The following WWOX variants were observed in gnomAD, a reference collection of about 807,000 sequenced individuals.
The protein encoded by WWOX is WW domain-containing oxidoreductase.
Under a neutral mutation model 46.2 loss-of-function variants are expected in WWOX, and 69 were observed. The ratio of observed to expected loss-of-function variants is 1.49; its 90% CI spans 1.23 to 1.82. The LOEUF is 1.82. WWOX is among the 40% of genes most tolerant of loss of function. The pLI, the probability that WWOX is intolerant of heterozygous loss-of-function variation, is 0.00. For missense variants in WWOX, 919 were observed against 542.6 expected (o/e 1.69, Z -6.89); for synonymous variants, 359 against 202.6 (o/e 1.77, Z -6.56).
intron 8 of WWOX, among the ~76,000 whole-genome samples, chr16:78,988,887 G>C (rs1483688579): frequency 1.3e-5 from 2 of 152,120 alleles, no homozygotes; most frequent in Admixed American, 6.5e-5. Flanking sequence ...AACGAGCTCT[G>C]GTGGGCAGTC....
At chr16:78,789,674 A>G (rs1406812343) in intron 8 of WWOX, among the ~76,000 whole-genome samples, 1 of 152,202 alleles carries the variant, frequency 6.6e-6, no homozygotes, top group Non-Finnish European at 1.5e-5. Context: ...ATATAATTTA[A>G]ATTTTAATCA....
At chr16:79,036,762 C>G (rs566577746) in intron 8 of WWOX, among the ~76,000 whole-genome samples, 4 of 152,312 alleles carry the variant, frequency 2.6e-5, no homozygotes, top group African/African-American at 9.6e-5. Flanking sequence ...AACAGGCATG[C>G]TGCATATCTG....
Position 78,861,722 on chromosome 16 carries a change from A to T in WWOX, c.1057-349886A>T, listed in dbSNP as rs141477770. 7.2e-5 allele frequency among the ~76,000 whole-genome samples: 11 copies of T among 152,338 alleles called. No homozygotes were observed. In the East Asian group the frequency reaches 1.5e-3, roughly 21 times the overall value. ...TCTTTCATTAGTTTGTTTGAATTCC[A>T]GGTAAAAACCTTTAACTCATTTCCT... On this transcript the variant is annotated intron_variant, in intron 8 of 8. Coordinates refer to ENST00000566780, the MANE Select transcript of WWOX (RefSeq NM_016373.4).
At chr16:79,110,831 A>C (rs545224655) in intron 8 of WWOX, 18 of 152,328 alleles carry the variant, frequency 1.2e-4, no homozygotes, top group Admixed American at 6.5e-5. Context: ...GGTGTTGGGC[A>C]AGTTAGCTGA....
intron 8 of WWOX, among the ~76,000 whole-genome samples, chr16:79,041,122 A>T (rs1597315679): frequency 1.3e-5 from 2 of 152,146 alleles, no homozygotes; most frequent in South Asian, 4.1e-4. Context: ...CATGTAATGT[A>T]ACACACCTAT....
intron 8 of WWOX, among the ~76,000 whole-genome samples, chr16:78,822,323 A>G (rs1268549999): frequency 1.3e-5 from 2 of 152,000 alleles, no homozygotes; most frequent in Non-Finnish European, 2.9e-5. Context: ...ACGAAACGCC[A>G]TCTCTACTAA....
chr16:78,180,177 T>C (rs191900914), intron 5 of WWOX, among the ~76,000 whole-genome samples: 9 of 152,332 alleles, frequency 5.9e-5, no homozygotes, highest in African/African-American at 1.9e-4. Context: ...TCCAGTTCTT[T>C]GAAAATGACC....
chr16:79,211,983 T>A lies in WWOX; in HGVS notation c.*187T>A, dbSNP rs1404331592. 1 of 1,536,012 alleles carries A rather than the reference T, an allele frequency of 6.5e-7. No individual in the cohort carries two copies. The highest frequency in any genetic ancestry group is 2.4e-5 in the East Asian group (1 of 40,932). On this transcript the variant is annotated 3_prime_UTR_variant, in exon 9 of 9. Coordinates refer to ENST00000566780, the MANE Select transcript of WWOX (RefSeq NM_016373.4). ...GAAGCAGGGAATTCCTGGGGTAAAG[T>A]ATCACTTTTCTGGGGCTGGGCTAGG...
At chr16:78,875,452 A>G (rs2044216519) in intron 8 of WWOX, among the ~76,000 whole-genome samples, 2 of 152,192 alleles carry the variant, frequency 1.3e-5, no homozygotes, top group Admixed American at 1.3e-4. Context: ...TGATTAAAAC[A>G]AAAAAATAGC....
intron 7 of WWOX, among the ~76,000 whole-genome samples, chr16:78,427,358 C>G (rs1040423081): frequency 1.3e-5 from 2 of 152,128 alleles, no homozygotes; most frequent in African/African-American, 4.8e-5. Flanking sequence ...TTTCTGCATA[C>G]CTAAAATACA....
intron 5 of WWOX, among the ~76,000 whole-genome samples, chr16:78,384,542 A>C (rs1321705528): frequency 1.3e-5 from 2 of 152,014 alleles, no homozygotes; most frequent in Non-Finnish European, 2.9e-5. Flanking sequence ...ACATGCCTTC[A>C]ATATTCTTGG....
intron 8 of WWOX, among the ~76,000 whole-genome samples, chr16:78,929,704 G>C (rs1046474154): frequency 2.0e-5 from 3 of 152,132 alleles, no homozygotes; most frequent in Non-Finnish European, 2.9e-5. Flanking sequence ...AAAGATTTCA[G>C]GAAGAGCGTT....
chr16:78,954,033 C>T (rs1000636574), intron 8 of WWOX, among the ~76,000 whole-genome samples: 2 of 152,238 alleles, frequency 1.3e-5, no homozygotes, highest in African/African-American at 4.8e-5. Flanking sequence ...TATTTCTCCT[C>T]TTCCATAGCA....
intron 8 of WWOX, among the ~76,000 whole-genome samples, chr16:78,931,691 A>C (rs145266273): frequency 8.9e-4 from 135 of 152,328 alleles, no homozygotes; most frequent in African/African-American, 3.2e-3. Flanking sequence ...CAGAGGGACA[A>C]GTGTTTAGTA....
intron 8 of WWOX, among the ~76,000 whole-genome samples, chr16:78,661,836 A>G (rs185827035): frequency 1.3e-5 from 2 of 152,352 alleles, no homozygotes; most frequent in African/African-American, 4.8e-5. Context: ...CAGGAGTTAG[A>G]GACCAGCCTG....
At chr16:78,143,861 T>G (rs1415642426) in intron 4 of WWOX, among the ~76,000 whole-genome samples, 1 of 151,326 alleles carries the variant, frequency 6.6e-6, no homozygotes, top group Non-Finnish European at 1.5e-5. Context: ...CTTTAAACAT[T>G]AAAATGTTTA....
intron 8 of WWOX, among the ~76,000 whole-genome samples, chr16:79,098,176 C>G (rs141723410): frequency 6.6e-6 from 1 of 152,286 alleles, no homozygotes; most frequent in East Asian, 1.9e-4. Flanking sequence ...TGAAAACACA[C>G]AGATGCCTGG....
At chr16:78,431,154 G>A (rs941624723) in intron 7 of WWOX, among the ~76,000 whole-genome samples, 1 of 152,100 alleles carries the variant, frequency 6.6e-6, no homozygotes, top group Non-Finnish European at 1.5e-5. Flanking sequence ...AGAGACAAAC[G>A]GAAAGAAACA....
At chr16:78,774,737 C>G (rs575812937) in intron 8 of WWOX, among the ~76,000 whole-genome samples, 4 of 152,232 alleles carry the variant, frequency 2.6e-5, no homozygotes, top group Admixed American at 6.5e-5. Flanking sequence ...CACACATACA[C>G]ACACATGGGC....
Sources: gnomAD v4.1 joint callset for allele counts (sites outside exome capture counted in the v4.1 genomes callset) on GRCh38, gnomAD v4.1.1 for gene constraint, MANE v1.5 for transcripts, NCBI Gene and HGNC (gene_info 2026-07-23, HGNC 2026-07-21) for gene names.